Variants in RGS7 observed in about 807,000 individuals in gnomAD.
RGS7 encodes the protein regulator of G-protein signaling 7.
A neutral mutation model predicts 81.1 loss-of-function variants in RGS7; 27 were observed. That is an observed-to-expected ratio of 0.33 (90% CI 0.25 to 0.46). The LOEUF is 0.46. RGS7 is among the 20% of genes least tolerant of loss of function. The pLI is 1.00. For missense variants in RGS7, 396 were observed against 607.4 expected, an observed-to-expected ratio of 0.65 and a Z score of 3.66; for synonymous variants, 208 against 207.7, an observed-to-expected ratio of 1.00 and a Z score of -0.01.
chr1:240,793,611 A>ATATTTTTTTTTT, intron 18 of RGS7, among the ~76,000 whole-genome samples: 1 of 78,814 alleles, frequency 1.3e-5, no homozygotes, highest in African/African-American at 9.7e-5. Context: ...ATATATATAT[A>ATATTTTTTTTTT]TTTTTTTTTT....
chr1:241,058,299 C>A (rs1473536773), intron 3 of RGS7, among the ~76,000 whole-genome samples: 1 of 152,178 alleles, frequency 6.6e-6, no homozygotes, highest in Non-Finnish European at 1.5e-5. Context: ...TGCTCACCTC[C>A]CAAGTGCTAG....
chr1:240,941,791 A>G (rs939642730), intron 4 of RGS7, among the ~76,000 whole-genome samples: 5 of 151,664 alleles, frequency 3.3e-5, no homozygotes, highest in African/African-American at 9.7e-5. Flanking sequence ...ATAAGAATCC[A>G]TAAGACCGCT....
chr1:240,969,094 T>C (rs911482715), intron 4 of RGS7, among the ~76,000 whole-genome samples: 1 of 152,242 alleles, frequency 6.6e-6, no homozygotes, highest in African/African-American at 2.4e-5. Context: ...CCCTGATGAA[T>C]AGGCACATCC....
intron 2 of RGS7, among the ~76,000 whole-genome samples, chr1:241,337,458 T>G (rs2082309154): frequency 6.6e-6 from 1 of 152,152 alleles, no homozygotes; most frequent in East Asian, 1.9e-4. Context: ...CACTGGTTCC[T>G]GCACAATTTT....
intron 3 of RGS7, among the ~76,000 whole-genome samples, chr1:241,023,875 A>G (rs537174803): frequency 1.1e-3 from 174 of 152,274 alleles, no homozygotes; most frequent in Admixed American, 3.1e-3. Flanking sequence ...CCTCCCGAGT[A>G]GTTGGGATTA....
chr1:241,208,930 G>T (rs368047420), intron 2 of RGS7, among the ~76,000 whole-genome samples: 10 of 152,336 alleles, frequency 6.6e-5, no homozygotes, highest in East Asian at 1.9e-4. Flanking sequence ...AGAGATGTCA[G>T]AGGGACGGAC....
chr1:240,970,692 T>C (rs1241315497), intron 4 of RGS7, among the ~76,000 whole-genome samples: 1 of 152,106 alleles, frequency 6.6e-6, no homozygotes, highest in Admixed American at 6.5e-5. Flanking sequence ...TGTTGTTAAA[T>C]GTGTAAAATA....
chr1:241,213,931 A>AT (rs1558195759), intron 2 of RGS7, among the ~76,000 whole-genome samples: 2 of 151,838 alleles, frequency 1.3e-5, no homozygotes, highest in South Asian at 4.2e-4. Flanking sequence ...TGCCTGGGTA[A>AT]TTTTTTCTAC....
intron 3 of RGS7, among the ~76,000 whole-genome samples, chr1:241,024,828 A>T (rs2059709654): frequency 6.6e-6 from 1 of 152,004 alleles, no homozygotes; most frequent in Non-Finnish European, 1.5e-5. Flanking sequence ...TTGTACCCAG[A>T]TTAGAAAAGC....
At chr1:241,069,516 T>C (rs1558671014) in intron 3 of RGS7, among the ~76,000 whole-genome samples, 1 of 152,206 alleles carries the variant, frequency 6.6e-6, no homozygotes, top group Non-Finnish European at 1.5e-5. Flanking sequence ...AAGCATTATA[T>C]TAATAATAAT....
intron 2 of RGS7, among the ~76,000 whole-genome samples, chr1:241,282,066 T>C (rs1285216469): frequency 4.6e-5 from 7 of 152,142 alleles, no homozygotes; most frequent in Admixed American, 4.6e-4. Flanking sequence ...GTGCTGAGGT[T>C]TGGTGTACAA....
At chr1:241,161,105 A>C (rs2069621777) in intron 2 of RGS7, among the ~76,000 whole-genome samples, 1 of 152,166 alleles carries the variant, frequency 6.6e-6, no homozygotes, top group African/African-American at 2.4e-5. Context: ...GCCTTCTTTC[A>C]GGAGGAGTTT....
chr1:240,840,588 G>C lies in RGS7; in HGVS notation c.610-13416C>G, dbSNP rs2796364. ...GCGCCCGGCCTCACTGGCCTTCTTT[G>C]TGTACCAGGCCCTTTTCTCTGTACT... On this transcript the variant is annotated intron_variant, in intron 9 of 18. Transcript: ENST00000440928. Among the ~76,000 whole-genome samples, 1,435 of 152,230 alleles carry C rather than the reference G, an allele frequency of 9.4e-3. 24 individuals are homozygous for C. The highest frequency in any genetic ancestry group is 0.032 in the African/African-American group (1,335 of 41,548).
At chr1:240,997,432 C>G (rs772693924) in intron 3 of RGS7, among the ~76,000 whole-genome samples, 4 of 152,146 alleles carry the variant, frequency 2.6e-5, no homozygotes, top group Non-Finnish European at 5.9e-5. Context: ...TTCCTTTACT[C>G]TCCCCAATTT....
At chr1:241,266,820 T>C (rs906830531) in intron 2 of RGS7, among the ~76,000 whole-genome samples, 3 of 88,916 alleles carry the variant, frequency 3.4e-5, no homozygotes, top group Non-Finnish European at 6.8e-5. Flanking sequence ...GTGTAAATTT[T>C]CCTTTTGGAT....
intron 3 of RGS7, among the ~76,000 whole-genome samples, chr1:241,060,579 C>T (rs554216957): frequency 6.6e-6 from 1 of 152,258 alleles, no homozygotes; most frequent in African/African-American, 2.4e-5. Flanking sequence ...GACTTGGAAG[C>T]AACTGACTTC....
intron 2 of RGS7, among the ~76,000 whole-genome samples, chr1:241,211,827 TCA>T (rs2074259412): frequency 6.6e-6 from 1 of 152,204 alleles, no homozygotes; most frequent in African/African-American, 2.4e-5. Flanking sequence ...TCTCGATGCC[TCA>T]GTTTCCTAAT....
rs146911514 is a variant in RGS7 at position 241,290,580 on chromosome 1, C to A, written c.78+65119G>T. On this transcript the variant is annotated intron_variant, in intron 2 of 18. Coordinates refer to ENST00000440928, the MANE Select transcript of RGS7 (RefSeq NM_001364886.1). ...CTTCTTGATTAAATAAGAGAATGAA[C>A]TCGCCTAGAATAATAAATGATCCTC... Among the ~76,000 whole-genome samples, 4 of 152,240 alleles carry A rather than the reference C, an allele frequency of 2.6e-5. No homozygotes were observed. In the East Asian group the frequency reaches 7.7e-4, roughly 29 times the overall value.
At chr1:240,946,543 G>A (rs1282185604) in intron 4 of RGS7, among the ~76,000 whole-genome samples, 1 of 152,022 alleles carries the variant, frequency 6.6e-6, no homozygotes, top group Non-Finnish European at 1.5e-5. Flanking sequence ...GGAATTTGAG[G>A]TTGCCATTAG....
Sources: allele counts gnomAD v4.1 joint callset (sites outside exome capture counted in the v4.1 genomes callset), GRCh38; gene constraint gnomAD v4.1.1; transcripts MANE v1.5; gene names NCBI Gene and HGNC (gene_info 2026-07-23, HGNC 2026-07-21).